TUBGCP5: variants seen among roughly 807,000 people sequenced by gnomAD.
TUBGCP5 encodes gamma-tubulin complex component 5.
Under a neutral mutation model 134.7 loss-of-function variants are expected in TUBGCP5, and 98 were observed. That is an observed-to-expected ratio of 0.73 (90% CI 0.62 to 0.86). TUBGCP5 has a LOEUF of 0.86. Ranked by LOEUF, TUBGCP5 falls within the 40% of genes least tolerant of loss-of-function variation. The pLI, the probability that TUBGCP5 is intolerant of heterozygous loss-of-function variation, is 0.00. For synonymous variants in TUBGCP5, 456 were observed against 431.4 expected (o/e 1.06, Z -0.71); for missense variants, 1,150 against 1,244.8 (o/e 0.92, Z 1.15).
chr15:23,014,742 T>C (rs911014356), intron 13 of TUBGCP5, among the ~76,000 whole-genome samples: 5 of 152,154 alleles, frequency 3.3e-5, no homozygotes, highest in African/African-American at 7.2e-5. Context: ...AACAGCCTTA[T>C]AGGTTACCCC....
At position 23,013,395 on chromosome 15, in the gene TUBGCP5, G is replaced by C. The variant is rs188611183; in HGVS notation, c.1757-2064C>G. Among the ~76,000 whole-genome samples the C allele has an allele frequency of 2.0e-3, 299 of 152,082 alleles. 1 individual carries two copies. Among genetic ancestry groups the C allele is most frequent in the Non-Finnish European group, 3.5e-3 (236 of 67,954 alleles). On this transcript the variant is annotated intron_variant, in intron 13 of 22. Coordinates refer to ENST00000615383, the MANE Select transcript of TUBGCP5 (RefSeq NM_052903.6). The surrounding 1 kb of genome is among the most constrained non-coding windows in gnomAD (Gnocchi z 4.5). ...CAGGAGGCGAAGTTCGCAGTGAGCC[G>C]AGATCGCGCCGCTGCACTCCAGCCT...
At position 22,986,908 on chromosome 15, in the gene TUBGCP5, A is replaced by G. The variant is rs1449612722; in HGVS notation, c.*62-3297T>C. On this transcript the variant is annotated intron_variant and NMD_transcript_variant, in intron 23 of 23. Coordinates refer to the TUBGCP5 transcript ENST00000614508. ...GATATTGACACAAGCATATTATGTC[A>G]GTCAGGGTTCAACCAGAAAAGCAGA... 3.3e-5 allele frequency among the ~76,000 whole-genome samples: 5 copies of G among 152,262 alleles called. No homozygotes were observed. In the East Asian group the frequency reaches 9.6e-4, roughly 29 times the overall value.
intron 11 of TUBGCP5, among the ~76,000 whole-genome samples, chr15:23,020,855 T>C (rs572097429): frequency 6.6e-6 from 1 of 152,234 alleles, no homozygotes; most frequent in East Asian, 1.9e-4. Context: ...CTTCCTGCCT[T>C]AGCCTCTCGA....
downstream of TUBGCP5, among the ~76,000 whole-genome samples, chr15:22,994,182 G>C (rs904886833): frequency 1.3e-5 from 2 of 152,066 alleles, no homozygotes; most frequent in East Asian, 3.9e-4. Flanking sequence ...CTGCCTCCTG[G>C]GTTCAAGAGA....
intron 11 of TUBGCP5, among the ~76,000 whole-genome samples, chr15:23,019,846 G>C (rs1336407109): frequency 2.0e-5 from 3 of 152,106 alleles, no homozygotes; most frequent in African/African-American, 7.2e-5. Context: ...AATATGGGAT[G>C]ATCATATTGT....
At chr15:23,022,189 C>T (rs1595882041) in intron 10 of TUBGCP5, 28 bp from the exon 11 acceptor site, 3 of 1,608,392 alleles carry the variant, frequency 1.9e-6, no homozygotes, top group Non-Finnish European at 2.6e-6. Context: ...TCAAACTCAA[C>T]AGCAAGGAAA....
At chr15:23,011,700 G>A (rs528265861) in intron 13 of TUBGCP5, among the ~76,000 whole-genome samples, 4 of 137,612 alleles carry the variant, frequency 2.9e-5, no homozygotes, top group East Asian at 2.2e-4. Flanking sequence ...TAGTACAGAC[G>A]GGGTTTCACC....
At chr15:23,025,352 C>G (rs1425006849) in intron 8 of TUBGCP5, among the ~76,000 whole-genome samples, 3 of 152,192 alleles carry the variant, frequency 2.0e-5, no homozygotes, top group African/African-American at 7.2e-5. Context: ...GTCAAAGCAT[C>G]TCCCCTATAT....
downstream of TUBGCP5, among the ~76,000 whole-genome samples, chr15:22,997,148 T>G (rs1331641255): frequency 6.6e-6 from 1 of 152,068 alleles, no homozygotes; most frequent in Non-Finnish European, 1.5e-5. Context: ...CCTAGCAATG[T>G]TTTTTGGTGA....
chr15:23,011,639 G>A (rs2065038606), intron 13 of TUBGCP5, among the ~76,000 whole-genome samples: 1 of 149,148 alleles, frequency 6.7e-6, no homozygotes, highest in African/African-American at 2.4e-5. Flanking sequence ...CAAGTAGCTG[G>A]GATTACAGGC....
chr15:23,007,552 C>A (rs999829887), intron 16 of TUBGCP5, among the ~76,000 whole-genome samples: 1 of 152,036 alleles, frequency 6.6e-6, no homozygotes, highest in Admixed American at 6.6e-5. Context: ...GTGCAGCACA[C>A]GAAGACAAGG....
intron 7 of TUBGCP5, among the ~76,000 whole-genome samples, chr15:23,026,931 T>C (rs1357496498): frequency 2.6e-5 from 4 of 151,546 alleles, no homozygotes; most frequent in Non-Finnish European, 5.9e-5. Flanking sequence ...AGACTTTGTC[T>C]CCCCCTGCAA....
chr15:23,011,228 T>G lies in TUBGCP5; in HGVS notation c.1860A>C (p.Ala620=), dbSNP rs1434651477. 37 of 1,613,856 alleles carry G rather than the reference T, an allele frequency of 2.3e-5. No individual in the cohort carries two copies. The highest frequency in any genetic ancestry group is 3.1e-5 in the Non-Finnish European group (37 of 1,179,990). The stretch of plus-strand genomic sequence containing the variant: ...GCATCTTCATCAGGTTCTCCTTGGT[T>G]GCCTGTTGCTCAGTAAGAACCTGTG... ...STPQVLTEQQ[A]TKENLMKMQS... Residue 620 remains alanine (A), a synonymous_variant, in exon 14 of 23, where the codon GCA becomes GCC. Coordinates refer to ENST00000615383, the MANE Select transcript of TUBGCP5 (RefSeq NM_052903.6).
intron 13 of TUBGCP5, among the ~76,000 whole-genome samples, chr15:23,014,722 G>A (rs2065220228): frequency 1.3e-5 from 2 of 152,160 alleles, no homozygotes; most frequent in South Asian, 4.1e-4. Flanking sequence ...CCCACATCCT[G>A]GGCCTAAGAA....
At chr15:23,017,177 A>AG (rs903301688) in intron 13 of TUBGCP5, among the ~76,000 whole-genome samples, 1 of 151,846 alleles carries the variant, frequency 6.6e-6, no homozygotes, top group Non-Finnish European at 1.5e-5. Context: ...TGGATTTTGT[A>AG]GGGGGAAGGG....
downstream of TUBGCP5, among the ~76,000 whole-genome samples, chr15:22,995,451 A>G (rs975149561): frequency 3.3e-5 from 5 of 151,836 alleles, no homozygotes; most frequent in African/African-American, 1.2e-4. Flanking sequence ...CTGCAGCTTT[A>G]AAGACATTGT....
intron 23 of TUBGCP5, among the ~76,000 whole-genome samples, chr15:22,990,847 AAG>A (rs1447015607): frequency 6.6e-6 from 1 of 152,178 alleles, no homozygotes; most frequent in East Asian, 1.9e-4. Context: ...CAGACCCAGA[AAG>A]AGGCAGTGTG....
chr15:23,018,111 G>C lies in TUBGCP5; in HGVS notation c.1488-70C>G, dbSNP rs987434330. 26 of 1,442,426 alleles carry C rather than the reference G, an allele frequency of 1.8e-5. No individual in the cohort carries two copies. In the African/African-American group the frequency reaches 3.6e-4, roughly 20 times the overall value. 89.4% of individuals were successfully genotyped at this position (1,442,426 alleles called of 1,614,324 possible). A position where few individuals can be genotyped will look rare whatever the true frequency, so the allele number is the denominator to read the frequency against. ...AAAAACAGCATACTTGTTCTAGTTT[G>C]TTGTCCAGACATTATAAAACATAGT... On this transcript the variant is annotated intron_variant, in intron 12 of 22. Coordinates refer to ENST00000615383, the MANE Select transcript of TUBGCP5 (RefSeq NM_052903.6).
intron 23 of TUBGCP5, among the ~76,000 whole-genome samples, chr15:22,990,622 G>A: frequency 6.6e-6 from 1 of 152,208 alleles, no homozygotes; most frequent in East Asian, 1.9e-4. Context: ...CATGATCTTG[G>A]GCGCTCAGCT....
Sources: gnomAD v4.1 joint callset for allele counts (sites outside exome capture counted in the v4.1 genomes callset) on GRCh38, gnomAD v4.1.1 for gene constraint, Gnocchi (gnomAD v3.1) non-coding constraint, MANE v1.5 for transcripts, NCBI Gene and HGNC (gene_info 2026-07-23, HGNC 2026-07-21) for gene names.